The following ERC1 variants were observed in gnomAD, a reference collection of about 807,000 sequenced individuals.
ERC1 encodes the protein RAB6 interacting protein 2.
ERC1 carries 56 observed loss-of-function variants against 132.0 expected under a neutral mutation model. The observed-to-expected ratio is 0.42, with a 90% CI of 0.34 to 0.53. ERC1 has a LOEUF of 0.53. Ranked by LOEUF, ERC1 falls within the 20% of genes least tolerant of loss-of-function variation. The pLI is 0.03. For missense variants in ERC1, 1,202 were observed against 1,349.9 expected (o/e 0.89, Z 1.72); for synonymous variants, 478 against 476.1 (o/e 1.00, Z -0.05).
intron 16 of ERC1, among the ~76,000 whole-genome samples, chr12:1,403,936 A>G (rs1291278471): frequency 6.6e-6 from 1 of 152,228 alleles, no homozygotes; most frequent in Admixed American, 6.5e-5. Context: ...CTTTCTGTAT[A>G]TGCCTCTTTC....
intron 15 of ERC1, among the ~76,000 whole-genome samples, chr12:1,349,443 C>T (rs1738532405): frequency 6.6e-6 from 1 of 152,162 alleles, no homozygotes; most frequent in African/African-American, 2.4e-5. Context: ...GCGGGCAGAT[C>T]ATGAGATCAG....
intron 14 of ERC1, among the ~76,000 whole-genome samples, chr12:1,289,120 CACACACACACAT>C (rs1346447328): frequency 7.0e-6 from 1 of 142,742 alleles, no homozygotes; most frequent in Non-Finnish European, 1.5e-5. Context: ...CACACACACA[CACACACACACAT>C]AACTATATAG....
chr12:1,143,338 GTGTGTGTGTGTGTGTGTGT>G (rs1950031909), intron 8 of ERC1, among the ~76,000 whole-genome samples: 2 of 100,430 alleles, frequency 2.0e-5, no homozygotes, highest in African/African-American at 1.5e-4. Flanking sequence ...TCGTGTGTGT[GTGTGTGTGTGTGTGTGTGT>G]GTGTGTGTGT....
At chr12:1,076,389 TTC>T (rs1555228283) in intron 2 of ERC1, among the ~76,000 whole-genome samples, 8 of 142,676 alleles carry the variant, frequency 5.6e-5, no homozygotes, top group African/African-American at 1.5e-4. Flanking sequence ...GATTTTTTTT[TTC>T]TTTTTCTTTT....
At chr12:1,432,346 G>A (rs773491017) in intron 17 of ERC1, among the ~76,000 whole-genome samples, 89 of 152,344 alleles carry the variant, frequency 5.8e-4, no homozygotes, top group Middle Eastern at 6.8e-3. Context: ...AGGCGGAGCT[G>A]AATTTGGTTC....
At chr12:1,418,621 TTC>T (rs2092264544) in intron 17 of ERC1, among the ~76,000 whole-genome samples, 1 of 118,660 alleles carries the variant, frequency 8.4e-6, no homozygotes, top group African/African-American at 5.0e-5. Context: ...CTTTCTTTCT[TTC>T]TTTCTTTCTT....
At chr12:1,374,746 G>A (rs2051842) in intron 16 of ERC1, among the ~76,000 whole-genome samples, 61,479 of 151,490 alleles carry the variant, frequency 0.41, 13,687 homozygotes, top group African/African-American at 0.59. Flanking sequence ...TTGGTTGCTG[G>A]TGTGAAATCT....
At chr12:1,146,547 T>G (rs956411730) in intron 8 of ERC1, among the ~76,000 whole-genome samples, 3 of 151,840 alleles carry the variant, frequency 2.0e-5, no homozygotes, top group African/African-American at 7.3e-5. Context: ...ACTTCCTCTT[T>G]ACTGATTTGG....
At chr12:1,013,318 A>G (rs958428232) in intron 1 of ERC1, among the ~76,000 whole-genome samples, 2 of 152,174 alleles carry the variant, frequency 1.3e-5, no homozygotes, top group Non-Finnish European at 2.9e-5. Context: ...CTAAGTATCT[A>G]GCTTGACAAA....
At chr12:1,194,296 C>T (rs1956012883) in intron 12 of ERC1, among the ~76,000 whole-genome samples, 1 of 152,112 alleles carries the variant, frequency 6.6e-6, no homozygotes, top group South Asian at 2.1e-4. Flanking sequence ...TGGCACATGC[C>T]TGTAGTCCCA....
intron 2 of ERC1, among the ~76,000 whole-genome samples, chr12:1,061,716 C>T (rs1376048728): frequency 1.3e-5 from 2 of 151,946 alleles, no homozygotes; most frequent in East Asian, 1.9e-4. Flanking sequence ...TCTCTCCCCC[C>T]CCATATCTCC....
chr12:1,276,174 A>T (rs1185696989), intron 14 of ERC1, among the ~76,000 whole-genome samples: 1 of 150,922 alleles, frequency 6.6e-6, no homozygotes, highest in Non-Finnish European at 1.5e-5. Flanking sequence ...CTTCCATAAA[A>T]CCTTTTCTGA....
chr12:1,116,771 T>C (rs1403754959), intron 7 of ERC1, among the ~76,000 whole-genome samples: 2 of 151,974 alleles, frequency 1.3e-5, no homozygotes, highest in Non-Finnish European at 2.9e-5. Flanking sequence ...TTAGTGGAGA[T>C]GGGGTTTCAC....
chr12:1,431,433 G>A (rs2092794391), intron 17 of ERC1, among the ~76,000 whole-genome samples: 1 of 152,156 alleles, frequency 6.6e-6, no homozygotes, highest in Non-Finnish European at 1.5e-5. Flanking sequence ...TTTTAACTGA[G>A]CGTTTTCTGG....
intron 18 of ERC1, among the ~76,000 whole-genome samples, chr12:1,464,603 TCCC>T (rs1012319017): frequency 8.1e-6 from 1 of 123,020 alleles, no homozygotes; most frequent in Admixed American, 1.1e-4. Context: ...CACTGCAACC[TCCC>T]CCTCCCGAGT....
chr12:1,169,636 C>T (rs1383947171), intron 8 of ERC1, among the ~76,000 whole-genome samples: 3 of 152,126 alleles, frequency 2.0e-5, no homozygotes. Flanking sequence ...GAGTGCAAGT[C>T]AGCATCTTTC....
chr12:1,112,808 G>A (rs1460965271), intron 6 of ERC1, among the ~76,000 whole-genome samples: 2 of 152,078 alleles, frequency 1.3e-5, no homozygotes, highest in Non-Finnish European at 2.9e-5. Context: ...TATTTATCTA[G>A]TAAATTGAAA....
intron 13 of ERC1, among the ~76,000 whole-genome samples, chr12:1,252,868 A>T (rs933101383): frequency 1.3e-5 from 2 of 152,212 alleles, no homozygotes. Context: ...GAATTCTGAC[A>T]TGTTGAATGA....
In ERC1 at chr12:1,495,458, T is replaced by C. The variant is rs1263676087; in HGVS notation, c.*5228T>C. The C allele has an allele frequency of 8.7e-6, 2 of 228,900 alleles. No individual in the cohort carries two copies. Among genetic ancestry groups the C allele is most frequent in the Non-Finnish European group, 1.7e-5 (2 of 115,402 alleles). The allele number at this position is 228,900 out of a possible 1,614,324, so 14.2% of individuals were successfully genotyped here. On this transcript the variant is annotated 3_prime_UTR_variant, in exon 19 of 19. Coordinates refer to ENST00000360905, the MANE Select transcript of ERC1 (RefSeq NM_178040.4). ...TTCACCCCGGCCAAAGCAGGCCCTCTGGGTCCAGCCCCTCATTCCACACCA... is the reference window on the plus strand; with the variant it reads ...TTCACCCCGGCCAAAGCAGGCCCTCCGGGTCCAGCCCCTCATTCCACACCA...
Sources: allele counts gnomAD v4.1 joint callset (sites outside exome capture counted in the v4.1 genomes callset), GRCh38; gene constraint gnomAD v4.1.1; transcripts MANE v1.5; gene names NCBI Gene and HGNC (gene_info 2026-07-23, HGNC 2026-07-21).